Variants in PTPRZ1 observed in about 807,000 individuals in gnomAD.
PTPRZ1 encodes the protein protein tyrosine phosphatase receptor type Z1.
Under a neutral mutation model 214.1 loss-of-function variants are expected in PTPRZ1, and 82 were observed. That is an observed-to-expected ratio of 0.38 (90% CI 0.32 to 0.46). The LOEUF (loss-of-function observed/expected upper bound fraction) is 0.46, where lower values mean the gene tolerates loss of function less well. Ranked by LOEUF, PTPRZ1 falls within the 20% of genes least tolerant of loss-of-function variation. PTPRZ1 has a pLI of 1.00. For missense variants in PTPRZ1, 2,603 were observed against 2,748.7 expected, an observed-to-expected ratio of 0.95 and a Z score of 1.19; for synonymous variants, 945 against 987.9, an observed-to-expected ratio of 0.96 and a Z score of 0.81.
intron 2 of PTPRZ1, among the ~76,000 whole-genome samples, chr7:121,938,484 G>A (rs768158687): frequency 6.6e-6 from 1 of 152,192 alleles, no homozygotes; most frequent in Non-Finnish European, 1.5e-5. Flanking sequence ...TGAGACAAGA[G>A]GTAGCTTTAC....
chr7:121,948,771 T>A (rs1796464839), intron 2 of PTPRZ1, among the ~76,000 whole-genome samples: 1 of 151,338 alleles, frequency 6.6e-6, no homozygotes, highest in South Asian at 2.1e-4. Context: ...TTTTTTTTTT[T>A]TTTAGGTAAT....
At chr7:121,881,343 T>C (rs1430244794) in intron 1 of PTPRZ1, among the ~76,000 whole-genome samples, 3 of 152,216 alleles carry the variant, frequency 2.0e-5, no homozygotes, top group Non-Finnish European at 2.9e-5. Flanking sequence ...TGGTATTTTG[T>C]TATAGTAGCC....
At chr7:121,900,600 C>G (rs1794927829) in intron 1 of PTPRZ1, among the ~76,000 whole-genome samples, 1 of 152,174 alleles carries the variant, frequency 6.6e-6, no homozygotes, top group Non-Finnish European at 1.5e-5. Flanking sequence ...CACCAACAAA[C>G]AGCTTTGATA....
intron 11 of PTPRZ1, among the ~76,000 whole-genome samples, chr7:122,007,652 T>A (rs1798532276): frequency 6.6e-6 from 1 of 151,732 alleles, no homozygotes; most frequent in South Asian, 2.1e-4. Context: ...AAATAAAGAG[T>A]TTGAAGGATA....
At chr7:121,951,954 TA>T (rs371063707) in intron 2 of PTPRZ1, among the ~76,000 whole-genome samples, 16,656 of 50,056 alleles carry the variant, frequency 0.33, 1,132 homozygotes, top group South Asian at 0.5. Flanking sequence ...CGAGTGTATT[TA>T]TTTATTTATT....
intron 1 of PTPRZ1, among the ~76,000 whole-genome samples, chr7:121,906,542 A>G (rs563227871): frequency 7.9e-5 from 12 of 152,320 alleles, no homozygotes; most frequent in African/African-American, 2.9e-4. Context: ...CATAGTTGCA[A>G]TTAAGCTTCA....
At chr7:121,911,759 T>C (rs1171789447) in intron 1 of PTPRZ1, among the ~76,000 whole-genome samples, 1 of 113,194 alleles carries the variant, frequency 8.8e-6, no homozygotes, top group Non-Finnish European at 1.7e-5. Context: ...GAAAATGCAT[T>C]ATATTTTGGA....
intron 10 of PTPRZ1, among the ~76,000 whole-genome samples, chr7:122,002,983 T>C (rs1006489535): frequency 1.3e-5 from 2 of 152,228 alleles, no homozygotes; most frequent in Non-Finnish European, 2.9e-5. Context: ...TGAACTTCTT[T>C]AGTCATAGCT....
Position 121,984,135 on chromosome 7 carries a change from A to G in PTPRZ1, c.928+18A>G. The G allele has an allele frequency of 6.2e-7, 1 of 1,602,876 alleles. No individual in the cohort carries two copies. On this transcript the variant is annotated intron_variant, in intron 8 of 29. Coordinates refer to ENST00000393386, the MANE Select transcript of PTPRZ1 (RefSeq NM_002851.3). ...TGAAGCAGGTATGTATTTAAATATA[A>G]TCTTCTACAACTCTCATAGATGCAG...
intron 1 of PTPRZ1, 58 bp from the exon 2 acceptor site, chr7:121,928,096 CTT>C: frequency 8.1e-7 from 1 of 1,232,764 alleles, no homozygotes; most frequent in Non-Finnish European, 1.2e-6. Context: ...ATTTGGGCAT[CTT>C]TTATTTTTGG....
intron 15 of PTPRZ1, chr7:122,033,872 G>T: frequency 1.9e-6 from 1 of 533,644 alleles, no homozygotes; most frequent in Non-Finnish European, 3.3e-6. Flanking sequence ...CCTTTTAAAA[G>T]TGTTATGTTT....
intron 8 of PTPRZ1, among the ~76,000 whole-genome samples, chr7:121,990,828 CTGTT>C (rs1055774037): frequency 5.3e-5 from 8 of 152,214 alleles, no homozygotes; most frequent in South Asian, 2.1e-4. Flanking sequence ...CCAATAAAAA[CTGTT>C]TGTTTGTTTG....
intron 13 of PTPRZ1, among the ~76,000 whole-genome samples, chr7:122,020,146 TTC>T (rs1286597436): frequency 1.3e-5 from 2 of 152,192 alleles, no homozygotes; most frequent in Non-Finnish European, 2.9e-5. Flanking sequence ...TCTTTATGTG[TTC>T]TCTCAAAATA....
intron 2 of PTPRZ1, among the ~76,000 whole-genome samples, chr7:121,951,273 A>G (rs1796533710): frequency 6.6e-6 from 1 of 152,250 alleles, no homozygotes; most frequent in Non-Finnish European, 1.5e-5. Flanking sequence ...GAGCTGAGAG[A>G]GATACAACCT....
intron 18 of PTPRZ1, 72 bp from the exon 19 acceptor site, chr7:122,038,683 A>T: frequency 2.8e-6 from 4 of 1,407,076 alleles, no homozygotes; most frequent in Non-Finnish European, 3.8e-6. Context: ...GACCTTAAAA[A>T]CTTAGGCATT....
intron 1 of PTPRZ1, among the ~76,000 whole-genome samples, chr7:121,899,768 G>T (rs1346384547): frequency 1.3e-5 from 2 of 152,204 alleles, no homozygotes; most frequent in African/African-American, 4.8e-5. Context: ...CCTTGAGAGA[G>T]TATTACATGG....
chr7:121,954,429 T>A (rs1220523171), intron 2 of PTPRZ1, among the ~76,000 whole-genome samples: 3 of 152,188 alleles, frequency 2.0e-5, no homozygotes, highest in African/African-American at 7.2e-5. Flanking sequence ...TCTTCCTAGA[T>A]GCCTTCAGCC....
intron 20 of PTPRZ1, among the ~76,000 whole-genome samples, chr7:122,040,231 C>T (rs866469261): frequency 5.9e-5 from 9 of 152,038 alleles, no homozygotes; most frequent in African/African-American, 1.7e-4. Context: ...AAAGGAAACA[C>T]GAAGAATAAC....
chr7:122,028,539 C>A lies in PTPRZ1; in HGVS notation c.4989-13C>A. The stretch of plus-strand genomic sequence containing the variant: ...AGCAACTAGTAGTATAAATTGTGTT[C>A]TTTTATTTCCAGGAAATGCTTCCAG... On this transcript the variant is annotated splice_polypyrimidine_tract_variant and intron_variant, in intron 13 of 29. Transcript: ENST00000393386. 1 of 1,517,658 alleles carries A rather than the reference C, an allele frequency of 6.6e-7. No individual in the cohort carries two copies. The highest frequency in any genetic ancestry group is 9.1e-7 in the Non-Finnish European group (1 of 1,094,498). 94.0% of individuals were successfully genotyped at this position (1,517,658 alleles called of 1,614,324 possible). A position where few individuals can be genotyped will look rare whatever the true frequency, so the allele number is the denominator to read the frequency against.
Sources: allele counts gnomAD v4.1 joint callset (sites outside exome capture counted in the v4.1 genomes callset), GRCh38; gene constraint gnomAD v4.1.1; transcripts MANE v1.5; gene names NCBI Gene and HGNC (gene_info 2026-07-23, HGNC 2026-07-21).